B9D2: variants seen among roughly 807,000 people sequenced by gnomAD.
The protein encoded by B9D2 is B9 domain-containing protein 2.
B9D2 carries 21 observed loss-of-function variants against 19.2 expected under a neutral mutation model. The observed-to-expected ratio is 1.09, with a 90% CI of 0.78 to 1.58. The LOEUF (loss-of-function observed/expected upper bound fraction) is 1.58. Among genes scored for constraint, B9D2 ranks in the 40% most tolerant of loss-of-function variants. B9D2 has a pLI of 0.00. For missense variants in B9D2, 221 were observed against 244.3 expected (o/e 0.90, Z 0.64); for synonymous variants, 91 against 100.6 (o/e 0.90, Z 0.57).
At position 41,364,077 on chromosome 19, in the gene B9D2, C is replaced by T. The variant is rs370117663; in HGVS notation, c.-124G>A. 8.6e-4 allele frequency: 143 copies of T among 166,350 alleles called. 4 individuals carry two copies. In the South Asian group the frequency reaches 0.016, roughly 19 times the overall value. 10.3% of individuals were successfully genotyped at this position (166,350 alleles called of 1,614,324 possible). A position where few individuals can be genotyped will look rare whatever the true frequency, so the allele number is the denominator to read the frequency against. On this transcript the variant is annotated 5_prime_UTR_variant, in exon 1 of 4. Transcript: ENST00000243578. Reference sequence around the variant, plus strand: ...GCCTGGCTCGCGCCTCTCCCAGGACCCGCCTGGCTGCGAGATATGTAAGCC... The same window carrying T: ...GCCTGGCTCGCGCCTCTCCCAGGACTCGCCTGGCTGCGAGATATGTAAGCC...
chr19:41,357,260 C>T (rs902543296), intron 3 of B9D2, among the ~76,000 whole-genome samples: 17 of 152,116 alleles, frequency 1.1e-4, no homozygotes, highest in Admixed American at 6.5e-5. Context: ...AGAGGTGTGT[C>T]CCCCCATAGG....
intron 1 of B9D2, among the ~76,000 whole-genome samples, 162 bp from the exon 2 acceptor site, chr19:41,363,685 C>T (rs1395452590): frequency 1.3e-5 from 2 of 152,198 alleles, no homozygotes; most frequent in African/African-American, 4.8e-5. Context: ...TCCTAATTGC[C>T]AACCCATGAA....
At chr19:41,357,818 G>A (rs1192964697) in intron 3 of B9D2, 79 bp downstream of exon 3, 7 of 1,587,150 alleles carry the variant, frequency 4.4e-6, no homozygotes, top group Non-Finnish European at 5.2e-6. Context: ...ACAGGTCTTG[G>A]TGTTCCCAGC....
At chr19:41,363,925 C>T (rs1251479111) in intron 1 of B9D2, 33 bp downstream of exon 1, 2 of 374,978 alleles carry the variant, frequency 5.3e-6, no homozygotes, top group East Asian at 5.7e-5. Flanking sequence ...GACTTAACCC[C>T]GCCTCTAAGC....
intron 1 of B9D2, 61 bp downstream of exon 1, chr19:41,363,897 C>A (rs2038460748): frequency 4.3e-6 from 2 of 470,030 alleles, no homozygotes; most frequent in Admixed American, 3.6e-5. Flanking sequence ...AAGGCGCATG[C>A]GTTATGAGTT....
At chr19:41,358,060 G>T (rs1440587227) in intron 2 of B9D2, 38 bp from the exon 3 acceptor site, 1 of 1,613,388 alleles carries the variant, frequency 6.2e-7, no homozygotes, top group Admixed American at 1.7e-5. Flanking sequence ...GTGGGAGGCA[G>T]CCATCGGGAA....
At chr19:41,357,865 A>C (rs1599905802) in intron 3 of B9D2, 32 bp downstream of exon 3, 1 of 1,612,650 alleles carries the variant, frequency 6.2e-7, no homozygotes, top group Non-Finnish European at 8.5e-7. Context: ...CCCTCCCCTC[A>C]GCCTGGACCC....
Position 41,354,583 on chromosome 19 carries a change from C to G in B9D2, c.*117G>C. 7.2e-7 allele frequency: 1 copy of G among 1,382,838 alleles called. No individual in the cohort carries two copies. The highest frequency in any genetic ancestry group is 2.4e-5 in the East Asian group (1 of 41,408). 85.7% of individuals were successfully genotyped at this position (1,382,838 alleles called of 1,614,324 possible). ...AGAAAGGACAGAAGCGGTGCCATGC[C>G]TTAGCTGGGGTCAGCTCTGACAGTC... On this transcript the variant is annotated 3_prime_UTR_variant, in exon 4 of 4. Coordinates refer to ENST00000243578, the MANE Select transcript of B9D2 (RefSeq NM_030578.4).
Position 41,355,029 on chromosome 19 carries a change from G to C in B9D2, c.215-16C>G, listed in dbSNP as rs3087453. On this transcript the variant is annotated splice_polypyrimidine_tract_variant and intron_variant, in intron 3 of 3. Coordinates refer to ENST00000243578, the MANE Select transcript of B9D2 (RefSeq NM_030578.4). ...CGGGGCCAGCCTGCAGGAAAGGAGA[G>C]AGAGGGGAAAGGAGGGATGGGTGGG... 3,657 of 1,569,160 alleles carry C rather than the reference G, an allele frequency of 2.3e-3. 73 individuals are homozygous for C. In the African/African-American group the frequency reaches 0.043, roughly 18 times the overall value.
At chr19:41,362,827 C>T (rs910237008) in intron 2 of B9D2, among the ~76,000 whole-genome samples, 3 of 152,070 alleles carry the variant, frequency 2.0e-5, no homozygotes, top group Admixed American at 6.6e-5. Flanking sequence ...TCAAAGTGGT[C>T]GAGTCCAAAG....
chr19:41,358,078 C>T, intron 2 of B9D2, 56 bp from the exon 3 acceptor site: 1 of 1,609,928 alleles, frequency 6.2e-7, no homozygotes, highest in Non-Finnish European at 8.5e-7. Flanking sequence ...GAAGGGGATG[C>T]CGCTGTGGCT....
At chr19:41,358,541 T>C (rs2038352479) in intron 2 of B9D2, among the ~76,000 whole-genome samples, 1 of 152,120 alleles carries the variant, frequency 6.6e-6, no homozygotes, top group African/African-American at 2.4e-5. Flanking sequence ...GAATGGGTAA[T>C]GAGCATAGTG....
At chr19:41,355,422 C>G (rs1042467661) in intron 3 of B9D2, among the ~76,000 whole-genome samples, 2 of 79,342 alleles carry the variant, frequency 2.5e-5, no homozygotes, top group Non-Finnish European at 5.4e-5. Context: ...TCAGGGACAC[C>G]TCCTGCCTTC....
chr19:41,362,371 CAAAAAAAAAAAA>C (rs777325237), intron 2 of B9D2, among the ~76,000 whole-genome samples: 2 of 58,382 alleles, frequency 3.4e-5, no homozygotes, highest in Non-Finnish European at 6.0e-5. Context: ...GAACGAGTCT[CAAAAAAAAAAAA>C]AAAAAAAAAA....
chr19:41,358,053 G>C lies in B9D2; in HGVS notation c.89-31C>G, dbSNP rs374618635. The C allele has an allele frequency of 3.0e-5, 48 of 1,613,600 alleles. No individual in the cohort carries two copies. In the African/African-American group the frequency reaches 6.3e-4, roughly 21 times the overall value. On this transcript the variant is annotated intron_variant, in intron 2 of 3. Coordinates refer to ENST00000243578, the MANE Select transcript of B9D2 (RefSeq NM_030578.4). ...GTGAGAGCCGGGACATAGAGGGGTGGGAGGCAGCCATCGGGAAGGGGATGC... is the reference window on the plus strand; with the variant it reads ...GTGAGAGCCGGGACATAGAGGGGTGCGAGGCAGCCATCGGGAAGGGGATGC...
chr19:41,355,828 C>T (rs1056426490), intron 3 of B9D2, among the ~76,000 whole-genome samples: 1 of 152,136 alleles, frequency 6.6e-6, no homozygotes, highest in Non-Finnish European at 1.5e-5. Flanking sequence ...GTGGGGATAC[C>T]GCTTTAGCAA....
chr19:41,356,962 T>C (rs1414523266), intron 3 of B9D2, among the ~76,000 whole-genome samples: 1 of 152,040 alleles, frequency 6.6e-6, no homozygotes, highest in African/African-American at 2.4e-5. Context: ...GCATGGCCTG[T>C]CCCCTTCTGC....
In B9D2 at chr19:41,358,139, C is replaced by T. The variant is rs1568484694; in HGVS notation, c.89-117G>A. 16 of 1,446,014 alleles carry T rather than the reference C, an allele frequency of 1.1e-5. No individual in the cohort carries two copies. The East Asian group carries it at 3.8e-4, about 34-fold the overall frequency. The allele number at this position is 1,446,014 out of a possible 1,614,324, so 89.6% of individuals were successfully genotyped here. A position where few individuals can be genotyped will look rare whatever the true frequency, so the allele number is the denominator to read the frequency against. On this transcript the variant is annotated intron_variant, in intron 2 of 3. Coordinates refer to ENST00000243578, the MANE Select transcript of B9D2 (RefSeq NM_030578.4). The stretch of plus-strand genomic sequence containing the variant: ...ACTGGTAGGGGTTACGAAGCATGGA[C>T]TCTGGAACCAAGTATCTGGGTTCAA...
intron 2 of B9D2, chr19:41,363,202 C>G: frequency 1.7e-6 from 1 of 578,860 alleles, no homozygotes; most frequent in Admixed American, 2.7e-5. Context: ...GCTATGATCA[C>G]ACCACCTTAC....
Sources: allele counts gnomAD v4.1 joint callset (sites outside exome capture counted in the v4.1 genomes callset), GRCh38; gene constraint gnomAD v4.1.1; transcripts MANE v1.5; gene names NCBI Gene and HGNC (gene_info 2026-07-23, HGNC 2026-07-21).